Variants in DNASE1 observed in about 807,000 individuals in gnomAD.
DNASE1 encodes deoxyribonuclease 1.
DNASE1 carries 40 observed loss-of-function variants against 33.9 expected under a neutral mutation model. The observed-to-expected ratio is 1.18, with a 90% CI of 0.92 to 1.54. DNASE1 has a LOEUF of 1.54. Ranked by LOEUF, DNASE1 falls within the 40% of genes most tolerant of loss-of-function variation. The probability of loss-of-function intolerance (pLI) is 0.00; values close to 1 mark genes in which losing one functional copy is unlikely to be tolerated. For missense variants in DNASE1, 518 were observed against 372.6 expected, an observed-to-expected ratio of 1.39 and a Z score of -3.21; for synonymous variants, 216 against 160.0, an observed-to-expected ratio of 1.35 and a Z score of -2.64.
intron 1 of DNASE1, among the ~76,000 whole-genome samples, chr16:3,637,070 G>A (rs543657225): frequency 1.3e-5 from 2 of 151,980 alleles, no homozygotes; most frequent in South Asian, 4.1e-4. Context: ...GTTGCAGTCA[G>A]TAGAGATTGA....
At chr16:3,618,860 G>T (rs1213292726) in intron 1 of DNASE1, among the ~76,000 whole-genome samples, 1 of 152,164 alleles carries the variant, frequency 6.6e-6, no homozygotes, top group African/African-American at 2.4e-5. Flanking sequence ...TTTCCGTTTT[G>T]TAATTTTTTT....
At chr16:3,662,240 G>A (rs113229466), downstream of DNASE1, 3 of 1,394,930 alleles carry the variant, frequency 2.2e-6, no homozygotes, top group African/African-American at 4.3e-5. Context: ...AGCAGGCGGG[G>A]TCTCAAGGAC....
rs201068930 is a variant in DNASE1, at chr16:3,628,390, C to CT, written c.-1358-12319dup. On this transcript the variant is annotated intron_variant and NMD_transcript_variant, in intron 1 of 11. Coordinates refer to the DNASE1 transcript ENST00000570769. ...ATATTAAATCTGTGAATTAATTTTA[C>CT]TTTTTTCTTTCCAATTTGGATATAT... 7.3e-3 allele frequency among the ~76,000 whole-genome samples: 1,116 copies of CT among 152,056 alleles called. 18 individuals carry two copies. The highest frequency in any genetic ancestry group is 0.025 in the African/African-American group (1,055 of 41,486).
chr16:3,631,395 G>T (rs2041694247), intron 1 of DNASE1, among the ~76,000 whole-genome samples: 1 of 152,104 alleles, frequency 6.6e-6, no homozygotes, highest in Admixed American at 6.6e-5. Flanking sequence ...AGTAGAGAAA[G>T]GGTTTCACCA....
downstream of DNASE1, chr16:3,659,509 A>ATAT (rs1396215535): frequency 6.6e-6 from 1 of 152,206 alleles, no homozygotes; most frequent in East Asian, 1.9e-4. Context: ...AATGATTGAC[A>ATAT]TATTTGACGT....
At chr16:3,646,152 T>A (rs1259267404) in intron 1 of DNASE1, among the ~76,000 whole-genome samples, 2 of 151,828 alleles carry the variant, frequency 1.3e-5, no homozygotes, top group Non-Finnish European at 2.9e-5. Context: ...GTGCCCAGAG[T>A]GTCCAAGTGC....
chr16:3,619,736 C>A (rs1215881176), intron 1 of DNASE1, among the ~76,000 whole-genome samples: 1 of 151,952 alleles, frequency 6.6e-6, no homozygotes, highest in Non-Finnish European at 1.5e-5. Flanking sequence ...ATCTCAAATT[C>A]CTGGGCTCAA....
chr16:3,662,279 A>ATTACCCACTAACTTGT (rs1317481573), downstream of DNASE1: 1 of 942,836 alleles, frequency 1.1e-6, no homozygotes, highest in Admixed American at 2.9e-5. Flanking sequence ...CTCCCTCCCC[A>ATTACCCACTAACTTGT]TTACCCACTA....
rs191790933 is a variant in DNASE1 at position 3,612,810 on chromosome 16, C to G, written c.-1359+804C>G. Among the ~76,000 whole-genome samples, 17 of 152,048 alleles carry G rather than the reference C, an allele frequency of 1.1e-4. No homozygotes were observed. The East Asian group carries it at 2.5e-3, about 22-fold the overall frequency. On this transcript the variant is annotated intron_variant and NMD_transcript_variant, in intron 1 of 11. Transcript: ENST00000570769. ...ATCTAGATGAAAAGTGAGAGCGGCC[C>G]GAATTAGGAGGTGGAGCGAAAAGAA...
intron 1 of DNASE1, among the ~76,000 whole-genome samples, chr16:3,631,253 A>G (rs2041689681): frequency 6.6e-6 from 1 of 151,854 alleles, no homozygotes; most frequent in Non-Finnish European, 1.5e-5. Context: ...CCCAGACTGG[A>G]GTGCAGTGGC....
chr16:3,621,870 G>A (rs762593039), intron 1 of DNASE1, among the ~76,000 whole-genome samples: 17 of 152,112 alleles, frequency 1.1e-4, no homozygotes, highest in Non-Finnish European at 2.4e-4. Context: ...GGAATTGCTG[G>A]GTCAAAGGAT....
intron 1 of DNASE1, among the ~76,000 whole-genome samples, chr16:3,634,929 T>G (rs2041822696): frequency 6.6e-6 from 1 of 152,128 alleles, no homozygotes; most frequent in Admixed American, 6.5e-5. Flanking sequence ...TTGACCTGCT[T>G]CATTTCTGAC....
chr16:3,631,375 T>G (rs944070664), intron 1 of DNASE1, among the ~76,000 whole-genome samples: 12 of 151,930 alleles, frequency 7.9e-5, no homozygotes, highest in African/African-American at 2.9e-4. Flanking sequence ...CAGCTAATTT[T>G]TGTATTTTTA....
At chr16:3,612,935 G>C (rs2040037050) in intron 1 of DNASE1, among the ~76,000 whole-genome samples, 1 of 152,086 alleles carries the variant, frequency 6.6e-6, no homozygotes, top group Admixed American at 6.6e-5. Flanking sequence ...CTGAAATAAT[G>C]AACACAGGAG....
rs143371936 is a variant in DNASE1, at chr16:3,657,215, C to T, written c.578C>T (p.Ala193Val). The T allele has an allele frequency of 1.3e-4, 205 of 1,614,060 alleles. No homozygotes were observed. Among genetic ancestry groups the T allele is most frequent in the Non-Finnish European group, 1.5e-4 (182 of 1,180,022 alleles). ...EDVMLMGDFN[A>V]GCSYVRPSQW... ...GTCATGTTGATGGGCGACTTCAATG[C>T]GGGCTGCAGCTATGTGAGACCCTCC... Residue 193 changes from alanine (A) to valine (V), a missense_variant, in exon 7 of 9, where the codon GCG (alanine) becomes GTG (valine). Physicochemically the swap from Ala to Val is moderately conservative, Grantham distance 64. Coordinates refer to ENST00000246949, the MANE Select transcript of DNASE1 (RefSeq NM_005223.4).
At position 3,612,650 on chromosome 16, in the gene DNASE1, C is replaced by G. The variant is rs577043815; in HGVS notation, c.-1359+644C>G. 2.1e-3 allele frequency among the ~76,000 whole-genome samples: 320 copies of G among 149,720 alleles called. 1 individual carries two copies. Among genetic ancestry groups the G allele is most frequent in the Non-Finnish European group, 2.9e-3 (197 of 67,668 alleles). Reference sequence around the variant, plus strand: ...GTCTCGAGCCCTGGCCGCAAGAGATCCTCCCGCCTCGGCCTCCCAAAGCGC... The same window carrying G: ...GTCTCGAGCCCTGGCCGCAAGAGATGCTCCCGCCTCGGCCTCCCAAAGCGC... On this transcript the variant is annotated intron_variant and NMD_transcript_variant, in intron 1 of 11. Coordinates refer to the DNASE1 transcript ENST00000570769.
At chr16:3,660,034 G>C (rs1183608611), downstream of DNASE1, 2 of 152,146 alleles carry the variant, frequency 1.3e-5, no homozygotes, top group Non-Finnish European at 2.9e-5. Flanking sequence ...ACCTAACAGA[G>C]GAAACACTTC....
chr16:3,658,814 C>A, downstream of DNASE1: 1 of 1,613,874 alleles, frequency 6.2e-7, no homozygotes, highest in South Asian at 1.1e-5. Context: ...GCAGCTGAGC[C>A]AGGCCAGGCT....
exon 10 of DNASE1, chr16:3,664,823 C>A (rs573471636): frequency 4.6e-5 from 10 of 217,392 alleles, no homozygotes; most frequent in Non-Finnish European, 7.3e-5. Context: ...CACACGGACA[C>A]GGGTGAAGTC....
Sources: gnomAD v4.1 joint callset for allele counts (sites outside exome capture counted in the v4.1 genomes callset) on GRCh38, gnomAD v4.1.1 for gene constraint, MANE v1.5 for transcripts, NCBI Gene and HGNC (gene_info 2026-07-23, HGNC 2026-07-21) for gene names.